ZNF37A: variants seen among roughly 807,000 people sequenced by gnomAD.
ZNF37A encodes the protein zinc finger protein 37A, also known as zinc finger protein 37a (KOX 21).
ZNF37A carries 10 observed loss-of-function variants against 12.3 expected under a neutral mutation model. The observed-to-expected ratio is 0.82, with a 90% CI of 0.50 to 1.38. The LOEUF is 1.38. Ranked by LOEUF, ZNF37A falls within the 40% of genes most tolerant of loss-of-function variation. The pLI, the probability that ZNF37A is intolerant of heterozygous loss-of-function variation, is 0.00. For synonymous variants in ZNF37A, 207 were observed against 223.0 expected (o/e 0.93, Z 0.64); for missense variants, 580 against 651.2 (o/e 0.89, Z 1.19).
At chr10:38,138,869 A>G (rs1217021699) in intron 7 of ZNF37A, 3 of 152,150 alleles carry the variant, frequency 2.0e-5, no homozygotes, top group African/African-American at 7.2e-5. Context: ...GGCCTACTTA[A>G]CCCAACTAAA....
chr10:38,112,738 T>TCTTGGTCTCGGTCTCGGTCTCGGTC, intron 5 of ZNF37A, among the ~76,000 whole-genome samples: 5 of 58,900 alleles, frequency 8.5e-5, no homozygotes, highest in Non-Finnish European at 1.4e-4. Flanking sequence ...CCATTTTCTT[T>TCTTGGTCTCGGTCTCGGTCTCGGTC]TCTTTTCTTT....
chr10:38,109,918 C>T (rs2068488062), intron 5 of ZNF37A, among the ~76,000 whole-genome samples: 1 of 152,052 alleles, frequency 6.6e-6, no homozygotes, highest in South Asian at 2.1e-4. Context: ...GCATATTGCC[C>T]AAAGTAATTT....
At position 38,114,766 on chromosome 10, in the gene ZNF37A, G is replaced by A. The variant is rs769249464; in HGVS notation, c.27G>A (p.Ser9=). Reference sequence around the variant, plus strand: ...TTGTGATTTTCCAGGGATCAGTGTCGTTTAGGGATGTGACTGTGGGCTTCA... The same window carrying A: ...TTGTGATTTTCCAGGGATCAGTGTCATTTAGGGATGTGACTGTGGGCTTCA... MITSQGSV[S]FRDVTVGFTQ... is the part of the protein sequence containing the mutation. The change falls in exon 6 of 8, where the codon TCG becomes TCA. Residue 9 remains serine (S), a synonymous_variant. Transcript: ENST00000685332. 1.9e-4 allele frequency: 306 copies of A among 1,613,996 alleles called. 2 individuals are homozygous for A. In the East Asian group the frequency reaches 2.9e-3, roughly 15 times the overall value.
In ZNF37A at chr10:38,118,200, C is replaced by T; in HGVS notation, c.1049C>T (p.Thr350Ile). The change falls in exon 8 of 8, where the codon ACA becomes ATA. Residue 350 changes from threonine to isoleucine, a missense_variant. Physicochemically the swap from Thr to Ile is moderately conservative, Grantham distance 89. Transcript: ENST00000685332. ...CTTACTCAACATCAAAGAACGCACA[C>T]AGGGGAGAAACCATATGAATGTCAT... ...STLTQHQRTHTGEKPYECHEC... is the reference protein window; with the variant it reads ...STLTQHQRTHIGEKPYECHEC... 1.2e-6 allele frequency: 2 copies of T among 1,614,042 alleles called. No individual in the cohort carries two copies. Among genetic ancestry groups the T allele is most frequent in the African/African-American group, 1.3e-5 (1 of 75,034 alleles).
intron 7 of ZNF37A, chr10:38,137,906 C>G (rs2070131586): frequency 6.6e-6 from 1 of 152,142 alleles, no homozygotes; most frequent in South Asian, 2.1e-4. Context: ...CTTCATTCTC[C>G]TAAGGATCAG....
At chr10:38,112,793 T>TCTG (rs1564932610) in intron 5 of ZNF37A, among the ~76,000 whole-genome samples, 1 of 48,784 alleles carries the variant, frequency 2.0e-5, no homozygotes, top group Non-Finnish European at 4.4e-5. Context: ...TTCTTTTCTT[T>TCTG]TCTTGTCTTG....
downstream of ZNF37A, among the ~76,000 whole-genome samples, chr10:38,129,341 A>G (rs2069984889): frequency 1.3e-5 from 2 of 148,196 alleles, no homozygotes; most frequent in Non-Finnish European, 3.0e-5. Flanking sequence ...TTTTATTTTT[A>G]ACTTTTATTT....
chr10:38,096,753 A>G, intron 5 of ZNF37A, 121 bp downstream of exon 5: 1 of 906,400 alleles, frequency 1.1e-6, no homozygotes, highest in Non-Finnish European at 1.7e-6. Flanking sequence ...AGGTCACATT[A>G]CATTTCATGG....
chr10:38,098,827 T>C lies in ZNF37A; in HGVS notation c.15+2195T>C, dbSNP rs116695615. ...TAGAGACTGTAATGGCCCATAAGCC[T>C]AAAATTTTTTTGTTTAAATGCTATT... On this transcript the variant is annotated intron_variant, in intron 5 of 7. Transcript: ENST00000685332. 4.5e-3 allele frequency among the ~76,000 whole-genome samples: 682 copies of C among 152,316 alleles called. 3 individuals are homozygous for C. Among genetic ancestry groups the C allele is most frequent in the African/African-American group, 0.015 (622 of 41,574 alleles).
At position 38,118,885 on chromosome 10, in the gene ZNF37A, TTAATA is replaced by T. The variant is rs775789442; in HGVS notation, c.*53_*57del. On this transcript the variant is annotated 3_prime_UTR_variant, in exon 8 of 8. Transcript: ENST00000685332. ...GAACATAAAGGGTGAGAGAAATCTG[TTAATA>T]TAATGATAATGAGAACACCTTTGCC... is the stretch of plus-strand genomic sequence containing the variant. The T allele has an allele frequency of 2.2e-5, 34 of 1,516,406 alleles. No homozygotes were observed. The highest frequency in any genetic ancestry group is 1.8e-5 in the Non-Finnish European group (20 of 1,137,208). The allele number at this position is 1,516,406 out of a possible 1,614,324, so 93.9% of individuals were successfully genotyped here.
chr10:38,106,170 T>G (rs1488052095), intron 5 of ZNF37A, among the ~76,000 whole-genome samples: 1 of 151,900 alleles, frequency 6.6e-6, no homozygotes, highest in Non-Finnish European at 1.5e-5. Flanking sequence ...CTTTGCTGTT[T>G]GGCAGCCTCC....
At chr10:38,114,387 T>C (rs1353495799) in intron 5 of ZNF37A, among the ~76,000 whole-genome samples, 1 of 152,236 alleles carries the variant, frequency 6.6e-6, no homozygotes, top group Non-Finnish European at 1.5e-5. Flanking sequence ...AGCTGTGGTG[T>C]GAGTCCTTTA....
At chr10:38,106,109 CTA>C (rs1363122274) in intron 5 of ZNF37A, among the ~76,000 whole-genome samples, 2 of 152,014 alleles carry the variant, frequency 1.3e-5, no homozygotes, top group African/African-American at 4.8e-5. Flanking sequence ...AGTATGTTAC[CTA>C]TGAGTTTTTT....
chr10:38,128,605 C>A (rs918223967), downstream of ZNF37A, among the ~76,000 whole-genome samples: 9 of 152,110 alleles, frequency 5.9e-5, no homozygotes, highest in African/African-American at 2.2e-4. Flanking sequence ...TTCCATATTT[C>A]TTCCAATCAT....
chr10:38,100,043 T>G (rs2067435803), intron 5 of ZNF37A, among the ~76,000 whole-genome samples: 1 of 152,196 alleles, frequency 6.6e-6, no homozygotes, highest in East Asian at 1.9e-4. Flanking sequence ...ATTGTAAAGC[T>G]GGGCTTCTGG....
chr10:38,106,749 G>T (rs1383111586), intron 5 of ZNF37A, among the ~76,000 whole-genome samples: 5 of 151,826 alleles, frequency 3.3e-5, no homozygotes, highest in African/African-American at 4.8e-5. Context: ...TGGAAGAAAG[G>T]ACATAAGAGA....
intron 2 of ZNF37A, 136 bp from the exon 3 acceptor site, chr10:38,095,402 A>C (rs1033394680): frequency 6.6e-6 from 1 of 152,378 alleles, no homozygotes; most frequent in African/African-American, 2.4e-5. Context: ...ATGTGGGGGC[A>C]GAAGAGGGCA....
chr10:38,098,920 T>C (rs1447581864), intron 5 of ZNF37A, among the ~76,000 whole-genome samples: 2 of 152,188 alleles, frequency 1.3e-5, no homozygotes, highest in Admixed American at 1.3e-4. Flanking sequence ...TCTTGTATCC[T>C]GTAATTTTGC....
downstream of ZNF37A, chr10:38,125,470 T>A (rs2069911503): frequency 6.6e-6 from 1 of 152,120 alleles, no homozygotes; most frequent in South Asian, 2.1e-4. Context: ...TTTTTTGGAG[T>A]TTGTGATTTG....
Sources: allele counts gnomAD v4.1 joint callset (sites outside exome capture counted in the v4.1 genomes callset), GRCh38; gene constraint gnomAD v4.1.1; transcripts MANE v1.5; gene names NCBI Gene and HGNC (gene_info 2026-07-23, HGNC 2026-07-21).